Variants in UXS1 observed in about 807,000 individuals in gnomAD.
UXS1 encodes the protein UDP-glucuronate decarboxylase 1.
Under a neutral mutation model 62.6 loss-of-function variants are expected in UXS1, and 33 were observed. That is an observed-to-expected ratio of 0.53 (90% CI 0.40 to 0.70). The LOEUF (loss-of-function observed/expected upper bound fraction) is 0.70. Ranked by LOEUF, UXS1 falls within the 30% of genes least tolerant of loss-of-function variation. UXS1 has a pLI of 0.00. For synonymous variants in UXS1, 213 were observed against 206.8 expected, an observed-to-expected ratio of 1.03 and a Z score of -0.26; for missense variants, 434 against 556.3, an observed-to-expected ratio of 0.78 and a Z score of 2.21.
In UXS1 at chr2:106,098,707, C is replaced by T. The variant is rs377037286; in HGVS notation, c.1042+9G>A. The T allele has an allele frequency of 2.1e-5, 33 of 1,568,756 alleles. No individual in the cohort carries two copies. Among genetic ancestry groups the T allele is most frequent in the Non-Finnish European group, 2.8e-5 (32 of 1,149,390 alleles). ...CGATTTTACTCAGGAAATGACTTAT[C>T]CTACTTACCAACAAGGTTTTTAATT... is the stretch of plus-strand genomic sequence containing the variant. On this transcript the variant is annotated intron_variant, in intron 13 of 14. Coordinates refer to ENST00000283148, the MANE Select transcript of UXS1 (RefSeq NM_001253875.2).
intron 1 of UXS1, among the ~76,000 whole-genome samples, chr2:106,180,880 A>G (rs1684199379): frequency 1.3e-5 from 2 of 152,230 alleles, no homozygotes; most frequent in Admixed American, 1.3e-4. Flanking sequence ...CTGGTGTGGC[A>G]TGGTAGAAAA....
intron 5 of UXS1, among the ~76,000 whole-genome samples, chr2:106,153,506 A>G (rs529929400): frequency 1.1e-3 from 173 of 152,174 alleles, no homozygotes; most frequent in Non-Finnish European, 2.1e-3. Context: ...ACACTTCACT[A>G]AAGTAGACCA....
intron 9 of UXS1, among the ~76,000 whole-genome samples, chr2:106,115,508 T>G (rs983780893): frequency 1.3e-5 from 2 of 152,204 alleles, no homozygotes; most frequent in South Asian, 4.1e-4. Flanking sequence ...TCCCCTATGG[T>G]GGCCCATGAG....
At chr2:106,140,310 A>G (rs1030673750) in intron 6 of UXS1, among the ~76,000 whole-genome samples, 6 of 152,232 alleles carry the variant, frequency 3.9e-5, no homozygotes, top group Non-Finnish European at 7.3e-5. Flanking sequence ...GGAAGCCTCC[A>G]ACAGCTCCAA....
At chr2:106,145,059 G>T in intron 6 of UXS1, 131 bp downstream of exon 6, 1 of 1,009,438 alleles carries the variant, frequency 9.9e-7, no homozygotes, top group Non-Finnish European at 1.4e-6. Flanking sequence ...TACATATTGA[G>T]ACATTTCAAA....
intron 9 of UXS1, among the ~76,000 whole-genome samples, chr2:106,114,614 T>C (rs1678915759): frequency 6.6e-6 from 1 of 152,162 alleles, no homozygotes; most frequent in African/African-American, 2.4e-5. Flanking sequence ...ATCAAATGCT[T>C]TTATCTTCTT....
intron 9 of UXS1, among the ~76,000 whole-genome samples, chr2:106,120,679 G>A (rs1467452729): frequency 1.3e-5 from 2 of 152,226 alleles, no homozygotes; most frequent in Non-Finnish European, 2.9e-5. Context: ...AAGCCTCCCA[G>A]TGTGACGGAA....
At chr2:106,159,296 A>T (rs538422823) in intron 4 of UXS1, 1 of 151,474 alleles carries the variant, frequency 6.6e-6, no homozygotes, top group South Asian at 2.1e-4. Context: ...GGACCGCTCC[A>T]CAAGAGCGAG....
chr2:106,123,107 A>G lies in UXS1; in HGVS notation c.638-16T>C. 6.2e-7 allele frequency: 1 copy of G among 1,613,356 alleles called. No homozygotes were observed. Among genetic ancestry groups the G allele is most frequent in the East Asian group, 2.2e-5 (1 of 44,848 alleles). On this transcript the variant is annotated splice_polypyrimidine_tract_variant and intron_variant, in intron 8 of 14. Transcript: ENST00000283148. Reference sequence around the variant, plus strand: ...ACTTCAGGATCTACGATGGGAGAAAAGTGAGACTGTTTTCATCTTTCCTTT... The same window carrying G: ...ACTTCAGGATCTACGATGGGAGAAAGGTGAGACTGTTTTCATCTTTCCTTT...
chr2:106,128,199 G>A lies in UXS1; in HGVS notation c.577+1475C>T, dbSNP rs1229563669. Among the ~76,000 whole-genome samples, 3 of 152,138 alleles carry A rather than the reference G, an allele frequency of 2.0e-5. No homozygotes were observed. The East Asian group carries it at 5.8e-4, about 29-fold the overall frequency. On this transcript the variant is annotated intron_variant, in intron 7 of 14. Coordinates refer to ENST00000283148, the MANE Select transcript of UXS1 (RefSeq NM_001253875.2). ...TGTAGGAGGGGTAGGCGCTTGTGAT[G>A]GCAAGAAGAGGGCATCACGCACACC...
chr2:106,141,515 C>T (rs1040657153), intron 6 of UXS1, among the ~76,000 whole-genome samples: 4 of 152,038 alleles, frequency 2.6e-5, no homozygotes, highest in East Asian at 3.9e-4. Flanking sequence ...GGCTGGAGTG[C>T]GGTGCAGTCA....
At chr2:106,186,365 T>G (rs1282560836) in intron 1 of UXS1, among the ~76,000 whole-genome samples, 1 of 152,132 alleles carries the variant, frequency 6.6e-6, no homozygotes, top group East Asian at 1.9e-4. Context: ...TAAAAATGTT[T>G]AACTGAACTT....
At chr2:106,098,886 G>T (rs3820891) in intron 12 of UXS1, 113 bp from the exon 13 acceptor site, 127,791 of 882,040 alleles carry the variant, frequency 0.14, 10,632 homozygotes, top group South Asian at 0.24. Context: ...ACCTCCCTGC[G>T]CTGCTTCAGC....
chr2:106,123,613 C>A (rs1679703683), intron 8 of UXS1, among the ~76,000 whole-genome samples: 1 of 152,156 alleles, frequency 6.6e-6, no homozygotes, highest in South Asian at 2.1e-4. Context: ...GTGCCCCTGG[C>A]AAATGGGTGC....
rs753390976 is a variant in UXS1 at position 106,123,101 on chromosome 2, G to A, written c.638-10C>T. Reference sequence around the variant, plus strand: ...GGGTGGACTTCAGGATCTACGATGGGAGAAAAGTGAGACTGTTTTCATCTT... The same window carrying A: ...GGGTGGACTTCAGGATCTACGATGGAAGAAAAGTGAGACTGTTTTCATCTT... On this transcript the variant is annotated splice_polypyrimidine_tract_variant and intron_variant, in intron 8 of 14. Coordinates refer to ENST00000283148, the MANE Select transcript of UXS1 (RefSeq NM_001253875.2). 17 of 1,613,352 alleles carry A rather than the reference G, an allele frequency of 1.1e-5. No individual in the cohort carries two copies. In the African/African-American group the frequency reaches 1.5e-4, roughly 14 times the overall value.
rs1363423128 is a variant in UXS1 at position 106,112,776 on chromosome 2, G to A, written c.760-11C>T. The A allele has an allele frequency of 3.1e-6, 5 of 1,612,328 alleles. No homozygotes were observed. The highest frequency in any genetic ancestry group is 2.7e-5 in the African/African-American group (2 of 74,930). On this transcript the variant is annotated splice_polypyrimidine_tract_variant and intron_variant, in intron 9 of 14. Coordinates refer to ENST00000283148, the MANE Select transcript of UXS1 (RefSeq NM_001253875.2). The stretch of plus-strand genomic sequence containing the variant: ...CACTTCCACGCCTTCCTGGAACAGA[G>A]AGAAGAGGAGGTCAGGTGTGCTCCC...
intron 5 of UXS1, among the ~76,000 whole-genome samples, chr2:106,147,915 T>C (rs1311734136): frequency 6.6e-6 from 1 of 152,186 alleles, no homozygotes. Flanking sequence ...ACATAGATAT[T>C]ACATATGCTC....
At chr2:106,192,631 G>A (rs187334944) in intron 1 of UXS1, among the ~76,000 whole-genome samples, 36 of 151,338 alleles carry the variant, frequency 2.4e-4, no homozygotes, top group African/African-American at 8.5e-4. Flanking sequence ...AGCGACTATA[G>A]AATACCCCCA....
At chr2:106,180,511 T>G (rs913763593) in intron 1 of UXS1, among the ~76,000 whole-genome samples, 1 of 152,232 alleles carries the variant, frequency 6.6e-6, no homozygotes, top group Admixed American at 6.5e-5. Context: ...ATTATGTGAC[T>G]AATTCTTAGA....
Sources: allele counts gnomAD v4.1 joint callset (sites outside exome capture counted in the v4.1 genomes callset), GRCh38; gene constraint gnomAD v4.1.1; transcripts MANE v1.5; gene names NCBI Gene and HGNC (gene_info 2026-07-23, HGNC 2026-07-21).